AR: variants seen among roughly 807,000 people sequenced by gnomAD.
AR encodes the protein dihydrotestosterone receptor.
In AR, 8 loss-of-function variants were observed where a neutral mutation model predicts 53.9. The observed-to-expected ratio is 0.15, with a 90% confidence interval of 0.09 to 0.27. The LOEUF is 0.27. Among genes scored for constraint, AR ranks in the 10% least tolerant of loss-of-function variants. The probability of loss-of-function intolerance (pLI) is 1.00; values close to 1 mark genes in which losing one functional copy is unlikely to be tolerated. For missense variants in AR, 639 were observed against 742.5 expected, an observed-to-expected ratio of 0.86 and a Z score of 1.62; for synonymous variants, 359 against 316.4, an observed-to-expected ratio of 1.13 and a Z score of -1.43.
intron 1 of AR, among the ~76,000 whole-genome samples, chrX:67,610,936 C>A (rs1041510554): frequency 3.6e-5 from 4 of 111,578 alleles, no homozygotes; most frequent in Non-Finnish European, 7.5e-5. Flanking sequence ...TGCTTAATTT[C>A]TTTGCCTCAG....
intron 1 of AR, among the ~76,000 whole-genome samples, chrX:67,577,327 A>G (rs1922102010): frequency 9.0e-6 from 1 of 111,527 alleles, no homozygotes; most frequent in Non-Finnish European, 1.9e-5. Flanking sequence ...TGGCTGAATA[A>G]TATTCCATTG....
At chrX:67,722,090 C>A in intron 6 of AR, 127 bp downstream of exon 6, 1 of 790,614 alleles carries the variant, frequency 1.3e-6, no homozygotes. Context: ...ATTCCCCCTC[C>A]CCATCCCCAC....
At chrX:67,616,761 G>A (rs1924138434) in intron 1 of AR, among the ~76,000 whole-genome samples, 1 of 111,127 alleles carries the variant, frequency 9.0e-6, no homozygotes, top group African/African-American at 3.3e-5. Context: ...ACACTAATTA[G>A]GGGCCAAGCC....
At chrX:67,666,355 C>T (rs961445976) in intron 2 of AR, among the ~76,000 whole-genome samples, 7 of 111,663 alleles carry the variant, frequency 6.3e-5, no homozygotes, top group Non-Finnish European at 1.3e-4. Context: ...AATATAATGT[C>T]CTCTAGTTCC....
At chrX:67,675,386 G>A (rs888294981) in intron 2 of AR, among the ~76,000 whole-genome samples, 2 of 111,237 alleles carry the variant, frequency 1.8e-5, no homozygotes, top group South Asian at 7.6e-4. Context: ...TGCAATTCTT[G>A]TGGCTTACAC....
intron 5 of AR, among the ~76,000 whole-genome samples, chrX:67,719,814 A>G (rs776051849): frequency 1.8e-5 from 2 of 112,130 alleles, no homozygotes; most frequent in Non-Finnish European, 1.9e-5. Context: ...GAGTGCAACT[A>G]ATCCCTGCCA....
intron 2 of AR, among the ~76,000 whole-genome samples, chrX:67,671,747 C>T (rs780438740): frequency 8.9e-6 from 1 of 112,211 alleles, no homozygotes; most frequent in South Asian, 3.7e-4. Flanking sequence ...GCATTTAAGT[C>T]TTTAATCCAT....
At chrX:67,702,215 G>A (rs1273392713) in intron 3 of AR, among the ~76,000 whole-genome samples, 4 of 111,581 alleles carry the variant, frequency 3.6e-5, no homozygotes, top group Non-Finnish European at 7.5e-5. Context: ...AGCGAGGCAC[G>A]CAGAAGGCCC....
chrX:67,626,846 G>C (rs1333431913), intron 1 of AR, among the ~76,000 whole-genome samples: 2 of 89,477 alleles, frequency 2.2e-5, no homozygotes, highest in Non-Finnish European at 4.2e-5. Flanking sequence ...TGTTCTCATT[G>C]TTCAATTCCC....
In AR at chrX:67,717,638, G is replaced by A. The variant is rs778634257; in HGVS notation, c.2318+16G>A. ...TTTTCAATGAGTAAGTGCTCCTGGG[G>A]CCCAGACCTCACTAAAATACAGCAG... On this transcript the variant is annotated intron_variant, in intron 5 of 7. Coordinates refer to ENST00000374690, the MANE Select transcript of AR (RefSeq NM_000044.6). The A allele has an allele frequency of 3.8e-5, 46 of 1,211,719 alleles. No individual in the cohort carries two copies. The highest frequency in any genetic ancestry group is 5.0e-5 in the Non-Finnish European group (45 of 895,295).
At chrX:67,644,986 C>T (rs1286948662) in intron 2 of AR, among the ~76,000 whole-genome samples, 2 of 110,464 alleles carry the variant, frequency 1.8e-5, no homozygotes, top group Non-Finnish European at 3.8e-5. Flanking sequence ...CCAGAGACTT[C>T]AGACCACCCC....
chrX:67,701,015 C>G (rs899204988), intron 3 of AR, among the ~76,000 whole-genome samples: 1 of 110,761 alleles, frequency 9.0e-6, no homozygotes, highest in Non-Finnish European at 1.9e-5. Flanking sequence ...GAAAGTTGCC[C>G]CAGAGAACAG....
At chrX:67,657,806 G>A (rs1003195591) in intron 2 of AR, among the ~76,000 whole-genome samples, 6 of 111,903 alleles carry the variant, frequency 5.4e-5, no homozygotes, top group Non-Finnish European at 1.1e-4. Flanking sequence ...TTGTCCTCAT[G>A]CCTCTATATT....
rs2076141972 is a variant in AR at position 67,722,885 on chromosome X, C to A, written c.2508C>A (p.Ile836=). 8.3e-7 allele frequency: 1 copy of A among 1,209,076 alleles called. No homozygotes were observed. The highest frequency in any genetic ancestry group is 1.8e-5 in the African/African-American group (1 of 56,989). ...KFFDELRMNY[I]KELDRIIACK... Reference sequence around the variant, plus strand: ...TTGATGAACTTCGAATGAACTACATCAAGGAACTCGATCGTATCATTGCAT... The same window carrying A: ...TTGATGAACTTCGAATGAACTACATAAAGGAACTCGATCGTATCATTGCAT... The change falls in exon 7 of 8, where the codon ATC becomes ATA. Residue 836 remains isoleucine (I), a synonymous_variant. Transcript: ENST00000374690.
intron 2 of AR, among the ~76,000 whole-genome samples, chrX:67,646,411 GTAAAATGACCAAAT>G (rs1295003052): frequency 9.0e-6 from 1 of 111,326 alleles, no homozygotes; most frequent in Non-Finnish European, 1.9e-5. Context: ...AGCCATGAGG[GTAAAATGACCAAAT>G]TCTGGTTGAG....
intron 1 of AR, among the ~76,000 whole-genome samples, chrX:67,604,024 C>A (rs1218006645): frequency 9.1e-6 from 1 of 110,420 alleles, no homozygotes; most frequent in African/African-American, 3.3e-5. Flanking sequence ...AGGATTAGTA[C>A]CAAGACAGCT....
At chrX:67,588,976 T>C (rs1365672906) in intron 1 of AR, among the ~76,000 whole-genome samples, 4 of 112,868 alleles carry the variant, frequency 3.5e-5, no homozygotes, top group Middle Eastern at 4.6e-3. Flanking sequence ...TTCAAATTTG[T>C]CTTTCTTATT....
intron 1 of AR, among the ~76,000 whole-genome samples, chrX:67,547,640 T>TA (rs1446520563): frequency 8.9e-6 from 1 of 112,504 alleles, no homozygotes; most frequent in African/African-American, 3.2e-5. Context: ...GACTCTGACT[T>TA]ACAAAACTGT....
chrX:67,652,543 T>G (rs919190890), intron 2 of AR, among the ~76,000 whole-genome samples: 2 of 112,241 alleles, frequency 1.8e-5, no homozygotes, highest in African/African-American at 6.5e-5. Context: ...ATTACTTTCC[T>G]GGGTTTGTAT....
Sources: gnomAD v4.1 joint callset for allele counts (sites outside exome capture counted in the v4.1 genomes callset) on GRCh38, gnomAD v4.1.1 for gene constraint, MANE v1.5 for transcripts, NCBI Gene and HGNC (gene_info 2026-07-23, HGNC 2026-07-21) for gene names.